The following GRB14 variants were observed in gnomAD, a reference collection of about 807,000 sequenced individuals.
GRB14 encodes growth factor receptor-bound protein 14.
GRB14 carries 38 observed loss-of-function variants against 69.1 expected under a neutral mutation model. That is an observed-to-expected ratio of 0.55 (90% CI 0.42 to 0.72). The LOEUF (loss-of-function observed/expected upper bound fraction) is 0.72. GRB14 is among the 30% of genes least tolerant of loss of function. The pLI, the probability that GRB14 is intolerant of heterozygous loss-of-function variation, is 0.00. For synonymous variants in GRB14, 247 were observed against 241.3 expected, an observed-to-expected ratio of 1.02 and a Z score of -0.22; for missense variants, 666 against 666.1, an observed-to-expected ratio of 1.00 and a Z score of 0.00.
chr2:164,556,007 G>A (rs1688670945), intron 2 of GRB14, among the ~76,000 whole-genome samples: 2 of 152,070 alleles, frequency 1.3e-5, no homozygotes, highest in South Asian at 2.1e-4. Context: ...CAGGGTCAGA[G>A]TAGTCCTGAA....
chr2:164,565,479 T>C (rs1208058966), intron 2 of GRB14, among the ~76,000 whole-genome samples: 1 of 152,182 alleles, frequency 6.6e-6, no homozygotes, highest in East Asian at 1.9e-4. Flanking sequence ...AGGTAACACG[T>C]ATCTAGGAGA....
rs1230842218 is a variant in GRB14, at chr2:164,619,836, T to C, written c.192-17A>G. On this transcript the variant is annotated splice_polypyrimidine_tract_variant and intron_variant, in intron 1 of 13. Coordinates refer to ENST00000263915, the MANE Select transcript of GRB14 (RefSeq NM_004490.3). ...TTTTTTCTCCTACAGTAAGAGAACA[T>C]AGGATGTAATTTACATAAAACAGAA... 5.7e-6 allele frequency: 9 copies of C among 1,588,964 alleles called. No homozygotes were observed. The highest frequency in any genetic ancestry group is 1.1e-5 in the South Asian group (1 of 87,442).
chr2:164,520,005 A>C (rs971515475), intron 6 of GRB14, among the ~76,000 whole-genome samples: 7 of 152,042 alleles, frequency 4.6e-5, no homozygotes, highest in Non-Finnish European at 1.0e-4. Context: ...CAGAACTAGA[A>C]AAAAAAATCC....
chr2:164,600,701 G>A (rs1689894205), intron 2 of GRB14, among the ~76,000 whole-genome samples: 1 of 152,078 alleles, frequency 6.6e-6, no homozygotes. Context: ...AGCATTACAT[G>A]TAAAACAACT....
chr2:164,508,777 G>GTT lies in GRB14; in HGVS notation c.890_891dup (p.His298AsnfsTer23). The stretch of plus-strand genomic sequence containing the variant: ...AATCCATAGTTAGTCGGTGCTCCAT[G>GTT]TTTTTTTTTGCCTGCCAGTGACACA... On this transcript the variant is annotated frameshift_variant, in exon 7 of 14. Coordinates refer to ENST00000263915, the MANE Select transcript of GRB14 (RefSeq NM_004490.3). LOFTEE classifies it high-confidence loss of function. The GTT allele has an allele frequency of 1.3e-6, 2 of 1,553,872 alleles. No individual in the cohort carries two copies. The highest frequency in any genetic ancestry group is 2.3e-5 in the East Asian group (1 of 43,420).
intron 6 of GRB14, among the ~76,000 whole-genome samples, chr2:164,511,189 G>A (rs1276521472): frequency 3.9e-5 from 6 of 152,156 alleles, no homozygotes; most frequent in Admixed American, 3.9e-4. Flanking sequence ...AGGCTGCAAG[G>A]ACTGCAACTC....
intron 3 of GRB14, among the ~76,000 whole-genome samples, chr2:164,547,055 T>A (rs1157187934): frequency 6.6e-6 from 1 of 151,564 alleles, no homozygotes; most frequent in Non-Finnish European, 1.5e-5. Flanking sequence ...CAATGACCTA[T>A]GGGCAAAAAC....
chr2:164,611,306 G>A (rs1453984806), intron 2 of GRB14, among the ~76,000 whole-genome samples: 1 of 152,094 alleles, frequency 6.6e-6, no homozygotes, highest in East Asian at 1.9e-4. Context: ...CAGAAGAAAG[G>A]AGGCCATTTA....
chr2:164,507,408 T>C lies in GRB14; in HGVS notation c.1023+1047A>G, dbSNP rs532656594. On this transcript the variant is annotated intron_variant, in intron 8 of 13. Coordinates refer to ENST00000263915, the MANE Select transcript of GRB14 (RefSeq NM_004490.3). Reference sequence around the variant, plus strand: ...TCTCTGATTTTCATTTCTAACTATATTGAAAAGCTAGTTTTAGTACACGCA... The same window carrying C: ...TCTCTGATTTTCATTTCTAACTATACTGAAAAGCTAGTTTTAGTACACGCA... 4.1e-3 allele frequency among the ~76,000 whole-genome samples: 618 copies of C among 152,280 alleles called. 2 individuals are homozygous for C. Among genetic ancestry groups the C allele is most frequent in the Non-Finnish European group, 6.6e-3 (451 of 68,012 alleles).
chr2:164,594,429 T>C (rs767957759), intron 2 of GRB14, among the ~76,000 whole-genome samples: 2 of 152,250 alleles, frequency 1.3e-5, no homozygotes, highest in African/African-American at 2.4e-5. Flanking sequence ...ATATGTATAT[T>C]ACTGATGAAG....
At chr2:164,559,562 C>T (rs1301632514) in intron 2 of GRB14, among the ~76,000 whole-genome samples, 1 of 152,132 alleles carries the variant, frequency 6.6e-6, no homozygotes, top group Non-Finnish European at 1.5e-5. Flanking sequence ...ATTCCCGAGT[C>T]ACTTCACTTA....
At chr2:164,615,508 C>T (rs976403346) in intron 2 of GRB14, among the ~76,000 whole-genome samples, 1 of 152,164 alleles carries the variant, frequency 6.6e-6, no homozygotes, top group Admixed American at 6.5e-5. Flanking sequence ...CTCTTATTTA[C>T]AGTCCTTGCT....
rs139841108 is a variant in GRB14, at chr2:164,619,770, G to A, written c.241C>T (p.Pro81Ser). The change falls in exon 2 of 14, where the codon CCT (proline) becomes TCT (serine). Residue 81 changes from proline (P) to serine (S), a missense_variant. Physicochemically the swap from Pro to Ser is moderately conservative, Grantham distance 74 (BLOSUM62 -1). Transcript: ENST00000263915. ...DVPEMPSIPNPFPELCCSPFT... is the reference protein window; with the variant it reads ...DVPEMPSIPNSFPELCCSPFT... Reference sequence around the variant, plus strand: ...GGAGAACAGCATAGCTCAGGAAAAGGGTTTGGAATAGATGGCATTTCCGGA... The same window carrying A: ...GGAGAACAGCATAGCTCAGGAAAAGAGTTTGGAATAGATGGCATTTCCGGA... 9.9e-6 allele frequency: 16 copies of A among 1,610,612 alleles called. No individual in the cohort carries two copies. The highest frequency in any genetic ancestry group is 6.6e-5 in the South Asian group (6 of 90,736).
At chr2:164,617,718 T>G (rs530781872) in intron 2 of GRB14, among the ~76,000 whole-genome samples, 56 of 152,270 alleles carry the variant, frequency 3.7e-4, no homozygotes, top group African/African-American at 1.3e-3. Context: ...TTCCCTTTAC[T>G]TTCCTTCTGG....
intron 3 of GRB14, among the ~76,000 whole-genome samples, chr2:164,531,545 A>G (rs538027570): frequency 1.6e-4 from 24 of 152,228 alleles, no homozygotes; most frequent in Non-Finnish European, 5.9e-5. Flanking sequence ...TGAGTGTCAC[A>G]GTAGACTTTA....
At chr2:164,556,575 T>C (rs1366137577) in intron 2 of GRB14, among the ~76,000 whole-genome samples, 1 of 152,174 alleles carries the variant, frequency 6.6e-6, no homozygotes, top group Non-Finnish European at 1.5e-5. Flanking sequence ...GAAAAAGTCA[T>C]GCTCCTTCTC....
At chr2:164,551,667 G>T in intron 2 of GRB14, among the ~76,000 whole-genome samples, 1 of 152,116 alleles carries the variant, frequency 6.6e-6, no homozygotes, top group Non-Finnish European at 1.5e-5. Flanking sequence ...CAAACAACAT[G>T]CTTTCTCTGG....
At chr2:164,552,802 A>T (rs1470178719) in intron 2 of GRB14, among the ~76,000 whole-genome samples, 3 of 152,174 alleles carry the variant, frequency 2.0e-5, no homozygotes, top group Non-Finnish European at 4.4e-5. Context: ...GTGCATCTAT[A>T]CTAGAAAACT....
intron 2 of GRB14, among the ~76,000 whole-genome samples, chr2:164,582,491 G>A (rs534776721): frequency 2.3e-4 from 35 of 150,442 alleles, no homozygotes; most frequent in Non-Finnish European, 3.5e-4. Context: ...GTGCAATCTC[G>A]GCTCACTGCA....
Sources: allele counts gnomAD v4.1 joint callset (sites outside exome capture counted in the v4.1 genomes callset), GRCh38; gene constraint gnomAD v4.1.1; transcripts MANE v1.5; gene names NCBI Gene and HGNC (gene_info 2026-07-23, HGNC 2026-07-21).